The following TMEM200A variants were observed in gnomAD, a reference collection of about 807,000 sequenced individuals.
TMEM200A encodes transmembrane protein 200A.
A neutral mutation model predicts 24.3 loss-of-function variants in TMEM200A; 12 were observed. The observed-to-expected ratio is 0.49, with a 90% CI of 0.32 to 0.80. The LOEUF (loss-of-function observed/expected upper bound fraction) is 0.80. TMEM200A is among the 30% of genes least tolerant of loss of function. The pLI, the probability that TMEM200A is intolerant of heterozygous loss-of-function variation, is 0.04. For synonymous variants in TMEM200A, 224 were observed against 224.4 expected (o/e 1.00, Z 0.02); for missense variants, 545 against 614.4 (o/e 0.89, Z 1.19).
intron 1 of TMEM200A, among the ~76,000 whole-genome samples, chr6:130,370,992 C>T (rs1036025635): frequency 3.3e-5 from 5 of 152,074 alleles, no homozygotes; most frequent in Non-Finnish European, 7.3e-5. Context: ...TTAGGATTTT[C>T]ATTTAGGAGG....
At chr6:130,385,528 G>A (rs1457004676) in intron 2 of TMEM200A, among the ~76,000 whole-genome samples, 3 of 152,134 alleles carry the variant, frequency 2.0e-5, no homozygotes, top group African/African-American at 7.2e-5. Flanking sequence ...TTATAGAGTA[G>A]GCTGTTTTAG....
At chr6:130,410,651 C>A (rs1478899105) in intron 2 of TMEM200A, among the ~76,000 whole-genome samples, 2 of 152,118 alleles carry the variant, frequency 1.3e-5, no homozygotes, top group Non-Finnish European at 2.9e-5. Flanking sequence ...GTTGTTTCAA[C>A]AAAGCTAAGT....
At chr6:130,406,194 T>C (rs1310595251) in intron 2 of TMEM200A, among the ~76,000 whole-genome samples, 2 of 152,204 alleles carry the variant, frequency 1.3e-5, no homozygotes, top group Admixed American at 1.3e-4. Flanking sequence ...CTAATTTCTA[T>C]TTGATTTTTA....
chr6:130,394,833 G>A (rs1331819089), intron 2 of TMEM200A, among the ~76,000 whole-genome samples: 1 of 152,152 alleles, frequency 6.6e-6, no homozygotes. Flanking sequence ...TCTTGCAAAA[G>A]CCTTAAGGCC....
intron 2 of TMEM200A, among the ~76,000 whole-genome samples, chr6:130,436,742 C>G (rs60654561): frequency 0.19 from 27,851 of 148,184 alleles, 2,756 homozygotes; most frequent in East Asian, 0.36. Context: ...CAGCTCCTGG[C>G]CTCAATTAAT....
At chr6:130,379,088 G>A (rs2012946) in intron 1 of TMEM200A, among the ~76,000 whole-genome samples, 26,556 of 152,112 alleles carry the variant, frequency 0.17, 2,578 homozygotes, top group East Asian at 0.39. Flanking sequence ...CAGAGGCCTC[G>A]TGGCCTAATC....
At position 130,417,458 on chromosome 6, in the gene TMEM200A, T is replaced by C. The variant is rs1779483650; in HGVS notation, c.-16-22949T>C. ...TGATTTAGCAACATGTAAGTGTGTA[T>C]AGAAAGAATCTTTTAGGTGGAGAAA... On this transcript the variant is annotated intron_variant, in intron 2 of 2. Coordinates refer to ENST00000296978, the MANE Select transcript of TMEM200A (RefSeq NM_001258277.2). Among the ~76,000 whole-genome samples, 7 of 152,176 alleles carry C rather than the reference T, an allele frequency of 4.6e-5. No homozygotes were observed. In the South Asian group the frequency reaches 1.4e-3, roughly 32 times the overall value.
At chr6:130,369,171 A>T (rs1426726120) in intron 1 of TMEM200A, among the ~76,000 whole-genome samples, 3 of 152,244 alleles carry the variant, frequency 2.0e-5, no homozygotes, top group Non-Finnish European at 4.4e-5. Context: ...AATAATAAAA[A>T]TACCAGCTTT....
intron 2 of TMEM200A, among the ~76,000 whole-genome samples, chr6:130,432,350 A>G (rs1460572453): frequency 6.6e-6 from 1 of 152,226 alleles, no homozygotes; most frequent in Non-Finnish European, 1.5e-5. Flanking sequence ...TTGTCACAAG[A>G]CAGGTCTCCG....
chr6:130,398,945 G>A (rs1278793057), intron 2 of TMEM200A, among the ~76,000 whole-genome samples: 1 of 151,600 alleles, frequency 6.6e-6, no homozygotes, highest in Non-Finnish European at 1.5e-5. Flanking sequence ...CTATCCTTTA[G>A]TAGTTATTTC....
In TMEM200A at chr6:130,440,757, T is replaced by C; in HGVS notation, c.335T>C (p.Val112Ala). The change falls in exon 3 of 3, where the codon GTG (valine) becomes GCG (alanine). Residue 112 changes from valine to alanine, a missense_variant. Coordinates refer to ENST00000296978, the MANE Select transcript of TMEM200A (RefSeq NM_001258277.2). ...TQVIRNEGGV[V>A]VRFFEQHLHS... is the part of the protein sequence containing the mutation. The stretch of plus-strand genomic sequence containing the variant: ...GTCATTCGGAATGAAGGCGGTGTGG[T>C]GGTTCGCTTCTTTGAGCAGCATTTG... The C allele has an allele frequency of 1.2e-6, 2 of 1,613,970 alleles. No homozygotes were observed. The highest frequency in any genetic ancestry group is 8.5e-7 in the Non-Finnish European group (1 of 1,179,956).
intron 2 of TMEM200A, among the ~76,000 whole-genome samples, chr6:130,414,017 G>T (rs1779391105): frequency 6.6e-6 from 1 of 152,084 alleles, no homozygotes; most frequent in African/African-American, 2.4e-5. Context: ...ACTTGAAGGA[G>T]AATCTCTTTG....
chr6:130,391,498 T>C (rs1778830788), intron 2 of TMEM200A, among the ~76,000 whole-genome samples: 1 of 151,844 alleles, frequency 6.6e-6, no homozygotes, highest in Non-Finnish European at 1.5e-5. Context: ...AAAGGCATCT[T>C]TCTCTCTCTC....
chr6:130,436,622 T>C (rs1780020137), intron 2 of TMEM200A, among the ~76,000 whole-genome samples: 1 of 144,308 alleles, frequency 6.9e-6, no homozygotes, highest in Non-Finnish European at 1.5e-5. Flanking sequence ...GGCTTCGTTT[T>C]TCTTTATCCT....
At chr6:130,389,158 A>G (rs929156694) in intron 2 of TMEM200A, among the ~76,000 whole-genome samples, 1 of 152,154 alleles carries the variant, frequency 6.6e-6, no homozygotes, top group African/African-American at 2.4e-5. Flanking sequence ...AGATCTTGTA[A>G]TGTAGTCCCC....
intron 2 of TMEM200A, among the ~76,000 whole-genome samples, chr6:130,412,240 T>C (rs1464937584): frequency 6.6e-6 from 1 of 151,826 alleles, no homozygotes; most frequent in Non-Finnish European, 1.5e-5. Context: ...AACCAAGGTC[T>C]GAATGATGGG....
At chr6:130,435,054 GA>G (rs200828377) in intron 2 of TMEM200A, among the ~76,000 whole-genome samples, 2,313 of 134,894 alleles carry the variant, frequency 0.017, 45 homozygotes, top group African/African-American at 0.049. Flanking sequence ...CACTGGGAAT[GA>G]AAAAAAAAAA....
chr6:130,414,368 G>C (rs1445430427), intron 2 of TMEM200A, among the ~76,000 whole-genome samples: 2 of 149,150 alleles, frequency 1.3e-5, no homozygotes, highest in African/African-American at 5.0e-5. Context: ...GGAGGTGGAG[G>C]TTGCAGTAAG....
In TMEM200A at chr6:130,442,014, A is replaced by C. The variant is rs1024946667; in HGVS notation, c.*116A>C. The C allele has an allele frequency of 9.4e-7, 1 of 1,061,728 alleles. No individual in the cohort carries two copies. The highest frequency in any genetic ancestry group is 1.6e-5 in the African/African-American group (1 of 62,084). The allele number at this position is 1,061,728 out of a possible 1,614,324, so 65.8% of individuals were successfully genotyped here. On this transcript the variant is annotated 3_prime_UTR_variant, in exon 3 of 3. Transcript: ENST00000296978. The stretch of plus-strand genomic sequence containing the variant: ...TTAATCAAATGGTTTGTAGTGTATT[A>C]GAATTGGCTGCTTAGTTCTGTAATG...
Sources: allele counts gnomAD v4.1 joint callset (sites outside exome capture counted in the v4.1 genomes callset), GRCh38; gene constraint gnomAD v4.1.1; transcripts MANE v1.5; gene names NCBI Gene and HGNC (gene_info 2026-07-23, HGNC 2026-07-21).